Variants in ADGRB3 observed in about 807,000 individuals in gnomAD.
The protein encoded by ADGRB3 is brain-specific angiogenesis inhibitor 3.
In ADGRB3, 37 loss-of-function variants were observed where a neutral mutation model predicts 193.4. The ratio of observed to expected loss-of-function variants is 0.19; its 90% CI spans 0.15 to 0.25. ADGRB3 has a LOEUF of 0.25. Ranked by LOEUF, ADGRB3 falls within the 10% of genes least tolerant of loss-of-function variation. The probability of loss-of-function intolerance (pLI) is 1.00; values close to 1 mark genes in which losing one functional copy is unlikely to be tolerated. For synonymous variants in ADGRB3, 690 were observed against 644.2 expected (o/e 1.07, Z -1.08); for missense variants, 1,637 against 1,852.9 (o/e 0.88, Z 2.14).
chr6:69,172,643 CAAAAAAAAAAAA>C (rs70987454), intron 17 of ADGRB3, among the ~76,000 whole-genome samples: 46 of 26,836 alleles, frequency 1.7e-3, no homozygotes, highest in African/African-American at 6.1e-3. Context: ...GACTCTGTCT[CAAAAAAAAAAAA>C]AAAAAAAAAA....
In ADGRB3 at chr6:69,035,082, T is replaced by C. The variant is rs545033465; in HGVS notation, c.2108-13103T>C. Among the ~76,000 whole-genome samples, 6 of 152,210 alleles carry C rather than the reference T, an allele frequency of 3.9e-5. No homozygotes were observed. The South Asian group carries it at 1.2e-3, about 32-fold the overall frequency. ...CATCCTTTGTTTATAATTCCAATGA[T>C]AAACTCATGAATTTCTACTATAATA... On this transcript the variant is annotated intron_variant, in intron 13 of 31. Coordinates refer to ENST00000370598, the MANE Select transcript of ADGRB3 (RefSeq NM_001704.3).
At chr6:69,187,240 T>G (rs1765089987) in intron 17 of ADGRB3, among the ~76,000 whole-genome samples, 1 of 152,152 alleles carries the variant, frequency 6.6e-6, no homozygotes, top group South Asian at 2.1e-4. Flanking sequence ...TTTAACGAAT[T>G]AATTTGAATA....
intron 3 of ADGRB3, among the ~76,000 whole-genome samples, chr6:68,864,532 A>C (rs949788806): frequency 8.5e-5 from 13 of 152,114 alleles, no homozygotes; most frequent in African/African-American, 2.9e-4. Flanking sequence ...GAAGAGAATG[A>C]GAGCCACACC....
At chr6:69,331,622 G>A in intron 23 of ADGRB3, 1 of 985,340 alleles carries the variant, frequency 1.0e-6, no homozygotes, top group Non-Finnish European at 1.2e-6. Context: ...GAATCTTAGT[G>A]CAAAGGGAAA....
At chr6:68,869,429 T>C (rs1198947830) in intron 3 of ADGRB3, among the ~76,000 whole-genome samples, 1 of 152,160 alleles carries the variant, frequency 6.6e-6, no homozygotes. Context: ...GTGATAATTA[T>C]ATCTACAGAA....
intron 20 of ADGRB3, among the ~76,000 whole-genome samples, chr6:69,320,186 A>G (rs566629421): frequency 6.6e-6 from 1 of 151,486 alleles, no homozygotes; most frequent in Admixed American, 6.6e-5. Context: ...GAATACTTTT[A>G]TGTTCCTCTA....
At chr6:69,036,780 C>G (rs974336237) in intron 13 of ADGRB3, among the ~76,000 whole-genome samples, 55 of 152,144 alleles carry the variant, frequency 3.6e-4, no homozygotes, top group African/African-American at 1.2e-3. Flanking sequence ...AACAAGACAG[C>G]CATGCATAAT....
At chr6:69,381,971 T>C (rs1287389570) in intron 30 of ADGRB3, among the ~76,000 whole-genome samples, 1 of 151,870 alleles carries the variant, frequency 6.6e-6, no homozygotes, top group Non-Finnish European at 1.5e-5. Context: ...CAATTACAAA[T>C]ACAGGGCACT....
intron 6 of ADGRB3, among the ~76,000 whole-genome samples, chr6:68,945,991 T>C (rs1767766194): frequency 6.6e-6 from 1 of 152,116 alleles, no homozygotes; most frequent in African/African-American, 2.4e-5. Flanking sequence ...ATTATGACTA[T>C]ATTATTTGTA....
intron 16 of ADGRB3, among the ~76,000 whole-genome samples, chr6:69,073,780 C>T (rs1230676676): frequency 1.3e-5 from 2 of 152,246 alleles, no homozygotes; most frequent in East Asian, 3.9e-4. Flanking sequence ...TGACTTTGGA[C>T]GTTAGTGGGC....
intron 29 of ADGRB3, among the ~76,000 whole-genome samples, chr6:69,368,348 G>A (rs933516272): frequency 1.3e-5 from 2 of 152,106 alleles, no homozygotes; most frequent in Non-Finnish European, 2.9e-5. Flanking sequence ...GACTGTGCAG[G>A]TGAAAGTGGA....
At chr6:68,720,449 A>AT (rs1258569109) in intron 3 of ADGRB3, among the ~76,000 whole-genome samples, 1 of 151,760 alleles carries the variant, frequency 6.6e-6, no homozygotes, top group Non-Finnish European at 1.5e-5. Flanking sequence ...TTCAATAAAA[A>AT]TGTTGAAGAG....
intron 3 of ADGRB3, among the ~76,000 whole-genome samples, chr6:68,743,116 A>G (rs1766012952): frequency 2.0e-5 from 3 of 152,006 alleles, no homozygotes; most frequent in African/African-American, 4.8e-5. Context: ...ATTTGCTTCA[A>G]TTAAATATTT....
chr6:69,142,900 T>C (rs753862285), intron 17 of ADGRB3, among the ~76,000 whole-genome samples: 18 of 152,192 alleles, frequency 1.2e-4, no homozygotes, highest in African/African-American at 1.7e-4. Context: ...ACTGCTTTCC[T>C]TTCTTAGGGG....
chr6:68,880,653 A>G (rs1765708051), intron 3 of ADGRB3, among the ~76,000 whole-genome samples: 1 of 152,206 alleles, frequency 6.6e-6, no homozygotes, highest in African/African-American at 2.4e-5. Context: ...GAAGTCATTT[A>G]TGGAAGGTGC....
intron 3 of ADGRB3, among the ~76,000 whole-genome samples, chr6:68,849,978 G>GTTTAAAATATGTGTGATATTTTACACATA (rs574569044): frequency 0.013 from 2,014 of 151,592 alleles, 24 homozygotes; most frequent in Non-Finnish European, 0.019. Flanking sequence ...TTGGATTCCT[G>GTTTAAAATATGTGTGATATTTTACACATA]TTTAAAATAT....
At chr6:69,319,066 A>G (rs1768382020) in intron 20 of ADGRB3, among the ~76,000 whole-genome samples, 1 of 151,054 alleles carries the variant, frequency 6.6e-6, no homozygotes, top group Admixed American at 6.6e-5. Context: ...TTTAAAATCT[A>G]TTCCTCTTGA....
At chr6:69,141,473 T>C (rs1196265937) in intron 17 of ADGRB3, among the ~76,000 whole-genome samples, 1 of 151,934 alleles carries the variant, frequency 6.6e-6, no homozygotes, top group Non-Finnish European at 1.5e-5. Context: ...ACTGAGAAGG[T>C]GATTCTTGAG....
At chr6:68,969,414 T>C (rs1582358405) in intron 8 of ADGRB3, among the ~76,000 whole-genome samples, 1 of 151,590 alleles carries the variant, frequency 6.6e-6, no homozygotes, top group African/African-American at 2.4e-5. Context: ...CATAGGAGAG[T>C]AAATATGAGC....
Sources: allele counts gnomAD v4.1 joint callset (sites outside exome capture counted in the v4.1 genomes callset), GRCh38; gene constraint gnomAD v4.1.1; transcripts MANE v1.5; gene names NCBI Gene and HGNC (gene_info 2026-07-23, HGNC 2026-07-21).